Variants in ANTXR2 observed in about 807,000 individuals in gnomAD.
ANTXR2 encodes ANTXR cell adhesion molecule 2, also known as anthrax toxin receptor 2.
A neutral mutation model predicts 73.7 loss-of-function variants in ANTXR2; 44 were observed. The ratio of observed to expected loss-of-function variants is 0.60; its 90% CI spans 0.47 to 0.77. ANTXR2 has a LOEUF of 0.77. Among genes scored for constraint, ANTXR2 ranks in the 30% least tolerant of loss-of-function variants. The pLI, the probability that ANTXR2 is intolerant of heterozygous loss-of-function variation, is 0.00. For synonymous variants in ANTXR2, 217 were observed against 205.9 expected (o/e 1.05, Z -0.46); for missense variants, 604 against 592.5 (o/e 1.02, Z -0.20).
chr4:80,006,328 T>C (rs1731298802), intron 12 of ANTXR2, among the ~76,000 whole-genome samples: 2 of 152,000 alleles, frequency 1.3e-5, no homozygotes, highest in African/African-American at 4.8e-5. Context: ...AGATAATCAA[T>C]ATTAGCCAAG....
At chr4:79,986,043 C>T (rs1730142928) in intron 12 of ANTXR2, among the ~76,000 whole-genome samples, 1 of 151,976 alleles carries the variant, frequency 6.6e-6, no homozygotes, top group African/African-American at 2.4e-5. Flanking sequence ...GGGGTTTCAC[C>T]ATATTGGCCA....
At chr4:80,066,122 A>G (rs773613523) in intron 3 of ANTXR2, among the ~76,000 whole-genome samples, 3 of 152,212 alleles carry the variant, frequency 2.0e-5, no homozygotes. Flanking sequence ...GAAGTTACTG[A>G]TTTAATTAAA....
Position 80,054,273 on chromosome 4 carries a change from G to A in ANTXR2, c.635C>T (p.Ser212Phe). ...GFQALKGIIN[S>F]ILAQSCTEIL... ...TCCTGCCCCCAGAGAAATACTCACA[G>A]AATTAATTATTCCTTTAAGAGCCTG... Residue 212 changes from serine to phenylalanine, a missense_variant and splice_region_variant, in exon 7 of 17, where the codon TCT (serine) becomes TTT (phenylalanine). Physicochemically the swap from Ser to Phe is radical, Grantham distance 155 (BLOSUM62 -2). Transcript: ENST00000403729. 3.8e-6 allele frequency: 6 copies of A among 1,592,796 alleles called. No individual in the cohort carries two copies. The highest frequency in any genetic ancestry group is 5.1e-6 in the Non-Finnish European group (6 of 1,168,738).
At chr4:79,965,965 C>G (rs961077995) in intron 16 of ANTXR2, among the ~76,000 whole-genome samples, 7 of 152,124 alleles carry the variant, frequency 4.6e-5, no homozygotes, top group Non-Finnish European at 8.8e-5. Context: ...CAACGTTTTT[C>G]ATTTAATCAG....
chr4:80,044,847 A>T (rs1016785539), intron 7 of ANTXR2, among the ~76,000 whole-genome samples: 1 of 151,886 alleles, frequency 6.6e-6, no homozygotes, highest in South Asian at 2.1e-4. Context: ...ATATAGCGCA[A>T]TATCTTATGA....
In ANTXR2 at chr4:80,064,303, T is replaced by G. The variant is rs149657260; in HGVS notation, c.296+5133A>C. Among the ~76,000 whole-genome samples the G allele has an allele frequency of 9.0e-3, 1,370 of 152,132 alleles. 12 individuals carry two copies. The highest frequency in any genetic ancestry group is 0.027 in the Middle Eastern group (8 of 294). ...TATAACTGATTTGTAAGAGTAGGAA[T>G]AAGAAAAATAGCAAATATAAGATTA... On this transcript the variant is annotated intron_variant, in intron 3 of 16. Transcript: ENST00000403729.
intron 7 of ANTXR2, among the ~76,000 whole-genome samples, chr4:80,048,394 A>T (rs1157354160): frequency 6.6e-6 from 1 of 151,770 alleles, no homozygotes; most frequent in Middle Eastern, 3.4e-3. Flanking sequence ...GGACAAAGAG[A>T]AGCCTAGAAT....
chr4:79,923,568 A>C (rs1727669834), intron 16 of ANTXR2, among the ~76,000 whole-genome samples: 1 of 152,128 alleles, frequency 6.6e-6, no homozygotes, highest in African/African-American at 2.4e-5. Context: ...GGTCTGCTTC[A>C]TGCTGAAGCT....
Position 80,072,545 on chromosome 4 carries a change from A to C in ANTXR2, c.16T>G (p.Ser6Ala). 6.3e-7 allele frequency: 1 copy of C among 1,578,620 alleles called. No homozygotes were observed. The highest frequency in any genetic ancestry group is 8.6e-7 in the Non-Finnish European group (1 of 1,163,972). ...CAGCTCCCGGGGCTGCGGGCCGGGGACCGCTCCGCCACCATCCTGCGGCCG... is the reference window on the plus strand; with the variant it reads ...CAGCTCCCGGGGCTGCGGGCCGGGGCCCGCTCCGCCACCATCCTGCGGCCG... MVAER[S>A]PARSPGSWLF... Residue 6 changes from serine to alanine, a missense_variant, in exon 1 of 17, where the codon TCC becomes GCC. Coordinates refer to ENST00000403729, the MANE Select transcript of ANTXR2 (RefSeq NM_058172.6).
intron 16 of ANTXR2, among the ~76,000 whole-genome samples, chr4:79,922,478 A>T (rs1167199044): frequency 6.6e-6 from 1 of 152,126 alleles, no homozygotes; most frequent in African/African-American, 2.4e-5. Context: ...CTAGAGATAT[A>T]ATTAATCCCT....
chr4:79,945,008 G>T (rs571586719), intron 16 of ANTXR2, among the ~76,000 whole-genome samples: 2 of 152,002 alleles, frequency 1.3e-5, no homozygotes, highest in African/African-American at 4.8e-5. Flanking sequence ...AATATTACCC[G>T]AATTATTTAA....
chr4:80,041,094 A>T (rs1009779249), intron 7 of ANTXR2, among the ~76,000 whole-genome samples: 1 of 152,074 alleles, frequency 6.6e-6, no homozygotes, highest in African/African-American at 2.4e-5. Context: ...GCTAATCCTC[A>T]TAAGTCTAAT....
chr4:80,008,523 C>A lies in ANTXR2; in HGVS notation c.1039G>T (p.Val347Leu). 1 of 1,605,804 alleles carries A rather than the reference C, an allele frequency of 6.2e-7. No homozygotes were observed. Among genetic ancestry groups the A allele is most frequent in the Non-Finnish European group, 8.5e-7 (1 of 1,175,260 alleles). The stretch of plus-strand genomic sequence containing the variant: ...AGTTGTAAATCCTTCTTACTCACCA[C>A]TTTGCAGCAAAGGGGCCAAAACCAC... ...MWWFWPLCCK[V>L]VIKDPPPPPA... is the part of the protein sequence containing the mutation. Residue 347 changes from valine (V) to leucine (L), a missense_variant and splice_region_variant, in exon 12 of 17, where the codon GTG becomes TTG. Physicochemically the swap from Val to Leu is conservative, Grantham distance 32. Transcript: ENST00000403729.
intron 7 of ANTXR2, among the ~76,000 whole-genome samples, chr4:80,053,903 G>C (rs368160286): frequency 1.3e-5 from 2 of 151,698 alleles, no homozygotes. Flanking sequence ...TATATTTGGA[G>C]AAGGGAGTAA....
chr4:80,066,508 A>G (rs1734502367), intron 3 of ANTXR2, among the ~76,000 whole-genome samples: 1 of 152,240 alleles, frequency 6.6e-6, no homozygotes. Flanking sequence ...TGTTATTAAA[A>G]TTCCTTTTGG....
chr4:79,923,880 A>G (rs1490555906), intron 16 of ANTXR2, among the ~76,000 whole-genome samples: 1 of 152,154 alleles, frequency 6.6e-6, no homozygotes, highest in Non-Finnish European at 1.5e-5. Context: ...AACTCCAGAC[A>G]CCAAGTTATG....
intron 10 of ANTXR2, 25 bp downstream of exon 10, chr4:80,031,598 A>C (rs906935582): frequency 7.0e-7 from 1 of 1,421,150 alleles, no homozygotes; most frequent in Admixed American, 3.0e-5. Flanking sequence ...AAATGTTATA[A>C]AATTGTTTTA....
intron 7 of ANTXR2, among the ~76,000 whole-genome samples, chr4:80,036,997 G>C (rs952403388): frequency 1.3e-5 from 2 of 152,028 alleles, no homozygotes; most frequent in East Asian, 1.9e-4. Context: ...CCAGAACACA[G>C]GAACAGAACT....
intron 16 of ANTXR2, among the ~76,000 whole-genome samples, chr4:79,926,932 TGTGCATATATGTGTATATATAC>T (rs1727816877): frequency 7.8e-4 from 6 of 7,676 alleles, no homozygotes; most frequent in East Asian, 0.25. Context: ...TATATACACA[TGTGCATATATGTGTATATATAC>T]GTGTGCATAT....
Sources: gnomAD v4.1 joint callset for allele counts (sites outside exome capture counted in the v4.1 genomes callset) on GRCh38, gnomAD v4.1.1 for gene constraint, MANE v1.5 for transcripts, NCBI Gene and HGNC (gene_info 2026-07-23, HGNC 2026-07-21) for gene names.